IL1RAPL2: variants seen among roughly 807,000 people sequenced by gnomAD.
The protein encoded by IL1RAPL2 is interleukin 1 receptor accessory protein like 2.
A neutral mutation model predicts 44.1 loss-of-function variants in IL1RAPL2; 3 were observed. The observed-to-expected ratio is 0.07, with a 90% CI of 0.03 to 0.18. The LOEUF (loss-of-function observed/expected upper bound fraction) is 0.18. IL1RAPL2 is among the 10% of genes least tolerant of loss of function. IL1RAPL2 has a pLI of 1.00. For synonymous variants in IL1RAPL2, 181 were observed against 178.8 expected (o/e 1.01, Z -0.10); for missense variants, 391 against 496.4 (o/e 0.79, Z 2.02).
chrX:105,609,754 A>G (rs2037321793), intron 6 of IL1RAPL2, among the ~76,000 whole-genome samples: 1 of 110,938 alleles, frequency 9.0e-6, no homozygotes, highest in Non-Finnish European at 1.9e-5. Flanking sequence ...GATGCCCCAC[A>G]CTCTCAATCA....
At chrX:105,016,476 G>A (rs1387535574) in intron 2 of IL1RAPL2, among the ~76,000 whole-genome samples, 1 of 111,243 alleles carries the variant, frequency 9.0e-6, no homozygotes, top group African/African-American at 3.3e-5. Flanking sequence ...TTATTATTTT[G>A]AGATACATTC....
At chrX:104,905,679 C>A (rs1445862396) in intron 2 of IL1RAPL2, among the ~76,000 whole-genome samples, 1 of 111,419 alleles carries the variant, frequency 9.0e-6, no homozygotes, top group East Asian at 2.8e-4. Context: ...GTTTTGGTAC[C>A]AGTACCATGC....
intron 6 of IL1RAPL2, among the ~76,000 whole-genome samples, chrX:105,644,573 GT>G (rs752085266): frequency 6.4e-5 from 7 of 108,885 alleles, no homozygotes; most frequent in Non-Finnish European, 1.4e-4. Context: ...TTTTTGGCTA[GT>G]TTCTACTGTT....
At chrX:105,104,535 A>G (rs1339002904) in intron 2 of IL1RAPL2, among the ~76,000 whole-genome samples, 1 of 112,168 alleles carries the variant, frequency 8.9e-6, no homozygotes, top group Non-Finnish European at 1.9e-5. Flanking sequence ...TCTTAGCTGG[A>G]CTCTGGAGCA....
intron 1 of IL1RAPL2, among the ~76,000 whole-genome samples, chrX:104,582,732 C>T (rs189556955): frequency 4.5e-4 from 32 of 71,447 alleles, no homozygotes; most frequent in African/African-American, 1.8e-3. Context: ...TCTCTCTCTC[C>T]CTTCCTTCCT....
At chrX:105,328,115 C>T (rs1475203693) in intron 5 of IL1RAPL2, among the ~76,000 whole-genome samples, 1 of 111,296 alleles carries the variant, frequency 9.0e-6, no homozygotes, top group Non-Finnish European at 1.9e-5. Flanking sequence ...ATCAATGTTA[C>T]AACTATGAAA....
At chrX:104,965,809 A>G (rs2030109991) in intron 2 of IL1RAPL2, among the ~76,000 whole-genome samples, 1 of 111,945 alleles carries the variant, frequency 8.9e-6, no homozygotes, top group African/African-American at 3.2e-5. Context: ...ATTAAACAGA[A>G]GATTAGGCAT....
intron 5 of IL1RAPL2, among the ~76,000 whole-genome samples, chrX:105,330,200 T>C (rs1164888332): frequency 1.8e-5 from 2 of 111,543 alleles, no homozygotes; most frequent in African/African-American, 6.5e-5. Flanking sequence ...ACTTCCTAGT[T>C]CTCCACACAG....
At chrX:105,551,553 A>G (rs990096240) in intron 6 of IL1RAPL2, among the ~76,000 whole-genome samples, 18 of 111,613 alleles carry the variant, frequency 1.6e-4, no homozygotes, top group Non-Finnish European at 3.0e-4. Context: ...GCTAATATAA[A>G]TTTTTATTAA....
intron 5 of IL1RAPL2, among the ~76,000 whole-genome samples, chrX:105,336,069 C>T (rs1055735203): frequency 8.9e-6 from 1 of 111,879 alleles, no homozygotes; most frequent in African/African-American, 3.2e-5. Context: ...CCTTCATAAA[C>T]GTTGAGACTG....
At chrX:104,588,251 T>C (rs766164816) in intron 1 of IL1RAPL2, among the ~76,000 whole-genome samples, 4 of 110,990 alleles carry the variant, frequency 3.6e-5, no homozygotes, top group Non-Finnish European at 7.5e-5. Context: ...TCATTTAAGT[T>C]TATCATCTCT....
At chrX:105,519,461 A>C (rs1370696076) in intron 6 of IL1RAPL2, among the ~76,000 whole-genome samples, 1 of 111,195 alleles carries the variant, frequency 9.0e-6, no homozygotes, top group East Asian at 2.9e-4. Context: ...CAGGGTCTGG[A>C]CTGGGATTGG....
At chrX:104,984,368 T>C (rs975499125) in intron 2 of IL1RAPL2, among the ~76,000 whole-genome samples, 2 of 112,082 alleles carry the variant, frequency 1.8e-5, no homozygotes, top group African/African-American at 3.2e-5. Context: ...AGCTGCTTTT[T>C]TTCTCATCTG....
intron 2 of IL1RAPL2, among the ~76,000 whole-genome samples, chrX:104,660,928 G>GTC (rs1380842375): frequency 3.6e-5 from 3 of 83,440 alleles, no homozygotes; most frequent in Admixed American, 2.6e-4. Context: ...ACCAGACCCT[G>GTC]TCTATATATA....
intron 6 of IL1RAPL2, among the ~76,000 whole-genome samples, chrX:105,564,589 T>C (rs1218986561): frequency 8.9e-6 from 1 of 112,428 alleles, no homozygotes; most frequent in Non-Finnish European, 1.9e-5. Flanking sequence ...ATGCCTTGCC[T>C]GCCAATTTTT....
At chrX:105,311,758 A>T (rs1300009071) in intron 5 of IL1RAPL2, among the ~76,000 whole-genome samples, 2 of 110,419 alleles carry the variant, frequency 1.8e-5, no homozygotes, top group East Asian at 5.6e-4. Context: ...CAATGTTATA[A>T]TGTTTAAACT....
chrX:104,673,497 G>C (rs1229047237), intron 2 of IL1RAPL2, among the ~76,000 whole-genome samples: 2 of 111,175 alleles, frequency 1.8e-5, no homozygotes, highest in African/African-American at 6.6e-5. Context: ...TTTGGTTACT[G>C]TAGCCTTGTA....
chrX:105,545,817 T>C (rs2036791544), intron 6 of IL1RAPL2, among the ~76,000 whole-genome samples: 1 of 111,771 alleles, frequency 8.9e-6, no homozygotes, highest in Admixed American at 9.6e-5. Flanking sequence ...CTTTACTTTC[T>C]TCTGGGCCCT....
intron 4 of IL1RAPL2, among the ~76,000 whole-genome samples, chrX:105,265,607 TA>T (rs1178941954): frequency 2.7e-5 from 3 of 111,745 alleles, no homozygotes; most frequent in African/African-American, 9.8e-5. Flanking sequence ...TACTTTTATT[TA>T]CTCTCTGACA....
Sources: gnomAD v4.1 joint callset for allele counts (sites outside exome capture counted in the v4.1 genomes callset) on GRCh38, gnomAD v4.1.1 for gene constraint, MANE v1.5 for transcripts, NCBI Gene and HGNC (gene_info 2026-07-23, HGNC 2026-07-21) for gene names.